CABCOCO1: variants seen among roughly 807,000 people sequenced by gnomAD.
CABCOCO1 encodes ciliary-associated calcium-binding coiled-coil protein 1.
CABCOCO1 carries 28 observed loss-of-function variants against 35.7 expected under a neutral mutation model. The observed-to-expected ratio is 0.78, with a 90% CI of 0.58 to 1.07. CABCOCO1 has a LOEUF of 1.07. Ranked by LOEUF, CABCOCO1 falls within the 50% of genes least tolerant of loss-of-function variation. The probability of loss-of-function intolerance (pLI) is 0.00; values close to 1 mark genes in which losing one functional copy is unlikely to be tolerated. For synonymous variants in CABCOCO1, 95 were observed against 100.1 expected, an observed-to-expected ratio of 0.95 and a Z score of 0.30; for missense variants, 326 against 309.2, an observed-to-expected ratio of 1.05 and a Z score of -0.41.
intron 5 of CABCOCO1, 118 bp from the exon 6 acceptor site, chr10:61,759,941 G>A: frequency 7.7e-7 from 1 of 1,297,876 alleles, no homozygotes; most frequent in Non-Finnish European, 1.0e-6. Flanking sequence ...AAATTCAAAG[G>A]AGGTGGCACT....
chr10:61,695,839 A>G (rs72821794), intron 5 of CABCOCO1, among the ~76,000 whole-genome samples: 14,880 of 152,154 alleles, frequency 0.098, 913 homozygotes, highest in Middle Eastern at 0.17. Context: ...GGCAAAGAAT[A>G]TGAACAGACA....
chr10:61,763,384 A>C (rs1167755629), intron 7 of CABCOCO1, among the ~76,000 whole-genome samples: 1 of 152,082 alleles, frequency 6.6e-6, no homozygotes, highest in African/African-American at 2.4e-5. Flanking sequence ...TTAAGAATGA[A>C]GTTATCTTGG....
intron 2 of CABCOCO1, among the ~76,000 whole-genome samples, chr10:61,677,382 A>G (rs1400586429): frequency 1.3e-5 from 2 of 152,202 alleles, no homozygotes; most frequent in African/African-American, 4.8e-5. Context: ...ATGTGGGAAT[A>G]CATATTTCTG....
At chr10:61,724,950 T>G (rs1247444365) in intron 5 of CABCOCO1, among the ~76,000 whole-genome samples, 2 of 152,222 alleles carry the variant, frequency 1.3e-5, no homozygotes, top group African/African-American at 4.8e-5. Flanking sequence ...ACCCTAGAAC[T>G]TAAAGTATAA....
At chr10:61,685,006 T>C (rs1839911796) in intron 3 of CABCOCO1, 1 of 152,226 alleles carries the variant, frequency 6.6e-6, no homozygotes, top group Admixed American at 6.5e-5. Flanking sequence ...CATTGGTGTG[T>C]AGCTGTGAAA....
intron 5 of CABCOCO1, among the ~76,000 whole-genome samples, chr10:61,697,874 T>C (rs1840337273): frequency 6.6e-6 from 1 of 152,092 alleles, no homozygotes; most frequent in African/African-American, 2.4e-5. Flanking sequence ...TAAAATTAAG[T>C]GCTTTACAAG....
At chr10:61,748,161 G>GGA (rs141294886) in intron 5 of CABCOCO1, among the ~76,000 whole-genome samples, 4 of 148,350 alleles carry the variant, frequency 2.7e-5, no homozygotes, top group African/African-American at 9.9e-5. Context: ...AGATACGGGG[G>GGA]AAAAAAAAAA....
chr10:61,740,701 A>T (rs891058398), intron 5 of CABCOCO1, among the ~76,000 whole-genome samples: 1 of 152,184 alleles, frequency 6.6e-6, no homozygotes, highest in Non-Finnish European at 1.5e-5. Flanking sequence ...TCATCTTTAA[A>T]TTGACTTATT....
At chr10:61,726,484 T>C (rs141715917) in intron 5 of CABCOCO1, among the ~76,000 whole-genome samples, 2 of 152,146 alleles carry the variant, frequency 1.3e-5, no homozygotes, top group Non-Finnish European at 2.9e-5. Flanking sequence ...GGAAAAAATA[T>C]TTATCTAATT....
intron 5 of CABCOCO1, among the ~76,000 whole-genome samples, chr10:61,729,557 G>T (rs780583185): frequency 6.6e-6 from 1 of 152,066 alleles, no homozygotes; most frequent in Non-Finnish European, 1.5e-5. Flanking sequence ...CAGTATGGAG[G>T]TTCCTCAGAA....
At chr10:61,752,530 A>G (rs897993983) in intron 5 of CABCOCO1, among the ~76,000 whole-genome samples, 6 of 152,182 alleles carry the variant, frequency 3.9e-5, no homozygotes, top group Admixed American at 3.3e-4. Context: ...GCTTTCTGCA[A>G]ATTTCTTTAG....
At chr10:61,697,295 T>G in intron 5 of CABCOCO1, among the ~76,000 whole-genome samples, 1 of 152,092 alleles carries the variant, frequency 6.6e-6, no homozygotes, top group Non-Finnish European at 1.5e-5. Context: ...CAATAAATAC[T>G]TGTTGTGTAC....
intron 2 of CABCOCO1, among the ~76,000 whole-genome samples, chr10:61,677,633 G>A (rs1480593409): frequency 1.3e-5 from 2 of 151,570 alleles, no homozygotes; most frequent in Non-Finnish European, 2.9e-5. Flanking sequence ...CCATGTTGGT[G>A]TGCTGCACCC....
chr10:61,749,418 C>T (rs1203940028), intron 5 of CABCOCO1, among the ~76,000 whole-genome samples: 1 of 152,164 alleles, frequency 6.6e-6, no homozygotes, highest in East Asian at 1.9e-4. Context: ...ATGAAATAAG[C>T]GTGTTCTCAG....
intron 5 of CABCOCO1, among the ~76,000 whole-genome samples, chr10:61,706,661 C>CA (rs771034309): frequency 3.3e-5 from 5 of 152,120 alleles, no homozygotes; most frequent in Non-Finnish European, 7.4e-5. Flanking sequence ...CATTGTGCCT[C>CA]AGAATGCTAA....
chr10:61,719,827 A>C (rs1840956444), intron 5 of CABCOCO1, among the ~76,000 whole-genome samples: 1 of 149,078 alleles, frequency 6.7e-6, no homozygotes, highest in African/African-American at 2.5e-5. Context: ...AGGCTGAGGT[A>C]GGAGAATCAC....
chr10:61,726,223 C>T (rs60637224), intron 5 of CABCOCO1, among the ~76,000 whole-genome samples: 8 of 152,132 alleles, frequency 5.3e-5, no homozygotes, highest in South Asian at 2.1e-4. Context: ...ATTACAATCA[C>T]GAAAATTTGG....
chr10:61,668,233 T>C (rs1049842921), intron 1 of CABCOCO1, among the ~76,000 whole-genome samples: 11 of 151,968 alleles, frequency 7.2e-5, no homozygotes, highest in Non-Finnish European at 1.6e-4. Flanking sequence ...TTTAGTACAT[T>C]TTAAAATTTA....
intron 1 of CABCOCO1, among the ~76,000 whole-genome samples, chr10:61,667,164 T>A (rs1268611278): frequency 6.9e-6 from 1 of 145,568 alleles, no homozygotes; most frequent in Non-Finnish European, 1.5e-5. Flanking sequence ...AATTATATGT[T>A]ATATAAACAT....
Sources: gnomAD v4.1 joint callset for allele counts (sites outside exome capture counted in the v4.1 genomes callset) on GRCh38, gnomAD v4.1.1 for gene constraint, MANE v1.5 for transcripts, NCBI Gene and HGNC (gene_info 2026-07-23, HGNC 2026-07-21) for gene names.